ZFAND2A: variants seen among roughly 807,000 people sequenced by gnomAD.
ZFAND2A encodes the protein zinc finger AN1-type containing 2A.
ZFAND2A carries 20 observed loss-of-function variants against 11.6 expected under a neutral mutation model. The ratio of observed to expected loss-of-function variants is 1.72; its 90% CI spans 1.21 to 2.50. ZFAND2A has a LOEUF of 2.50. Ranked by LOEUF, ZFAND2A falls within the 30% of genes most tolerant of loss-of-function variation. The pLI, the probability that ZFAND2A is intolerant of heterozygous loss-of-function variation, is 0.00. For synonymous variants in ZFAND2A, 93 were observed against 60.6 expected (o/e 1.54, Z -2.48); for missense variants, 234 against 182.9 (o/e 1.28, Z -1.61).
At position 1,157,727 on chromosome 7, in the gene ZFAND2A, C is replaced by T. The variant is rs1351864448; in HGVS notation, c.79G>A (p.Ala27Thr). 6 of 1,557,742 alleles carry T rather than the reference C, an allele frequency of 3.9e-6. No individual in the cohort carries two copies. Among genetic ancestry groups the T allele is most frequent in the Non-Finnish European group, 5.2e-6 (6 of 1,155,828 alleles). ...QLDFLPVKCD[A>T]CKQDFCKDHF... ...TCTTTACAGAAATCTTGTTTACATG[C>T]ATCACATTTTACTGGAAGAAAATCT... The change falls in exon 3 of 5, where the codon GCA (alanine) becomes ACA (threonine). Residue 27 changes from alanine to threonine, a missense_variant. Coordinates refer to ENST00000316495, the MANE Select transcript of ZFAND2A (RefSeq NM_182491.4).
At chr7:1,157,779 T>G (rs1793566647) in intron 2 of ZFAND2A, 29 bp from the exon 3 acceptor site, 1 of 1,499,668 alleles carries the variant, frequency 6.7e-7, no homozygotes, top group Non-Finnish European at 9.0e-7. Context: ...GGAAGTGTTT[T>G]AACGACTGGA....
At chr7:1,155,071 C>T (rs1041741826) in intron 4 of ZFAND2A, among the ~76,000 whole-genome samples, 17 of 152,116 alleles carry the variant, frequency 1.1e-4, no homozygotes, top group African/African-American at 3.6e-4. Flanking sequence ...TGAGCCGAGA[C>T]GGCACCATTC....
At chr7:1,150,155 TA>T (rs149409812), downstream of ZFAND2A, among the ~76,000 whole-genome samples, 5,868 of 148,964 alleles carry the variant, frequency 0.039, 177 homozygotes, top group Non-Finnish European at 0.062. Context: ...TTTGTCAGAT[TA>T]AAAAAAAAAG....
chr7:1,152,140 C>T (rs1441731332), downstream of ZFAND2A: 1 of 1,363,012 alleles, frequency 7.3e-7, no homozygotes, highest in African/African-American at 1.5e-5. Flanking sequence ...GAAGTCGCAC[C>T]ACTGGAGCAT....
intron 4 of ZFAND2A, among the ~76,000 whole-genome samples, chr7:1,154,457 T>C (rs1267651191): frequency 6.6e-6 from 1 of 152,092 alleles, no homozygotes; most frequent in East Asian, 1.9e-4. Flanking sequence ...TGTGGGGGCC[T>C]TGGGGCAGTG....
chr7:1,157,902 G>A, intron 2 of ZFAND2A, 152 bp from the exon 3 acceptor site: 2 of 743,456 alleles, frequency 2.7e-6, no homozygotes, highest in South Asian at 3.7e-5. Context: ...CCCAGGGTCA[G>A]GCTGTCTTCT....
In ZFAND2A at chr7:1,153,146, T is replaced by C. The variant is rs1304407874; in HGVS notation, c.361A>G (p.Asn121Asp). The change falls in exon 5 of 5, where the codon AAC (asparagine) becomes GAC (aspartate). Residue 121 changes from asparagine (N) to aspartate (D), a missense_variant. By Grantham distance (23) the Asn-to-Asp change is conservative. Transcript: ENST00000316495. ...LQMVCAQCHG[N>D]FCIQHRHPLD... ...GGGTGTCTGTGCTGGATACAGAAGT[T>C]GCCGTGACATTGGGCACATACCATC... 2.5e-6 allele frequency: 4 copies of C among 1,614,210 alleles called. 1 individual carries two copies. In the South Asian group the frequency reaches 3.3e-5, roughly 13 times the overall value.
chr7:1,157,717 T>C lies in ZFAND2A; in HGVS notation c.89A>G (p.Gln30Arg). ...TGGAAAATGATCTTTACAGAAATCT[T>C]GTTTACATGCATCACATTTTACTGG... ...FLPVKCDACK[Q>R]DFCKDHFPYA... The change falls in exon 3 of 5, where the codon CAA (glutamine) becomes CGA (arginine). Residue 30 changes from glutamine (Q) to arginine (R), a missense_variant. Physicochemically the swap from Gln to Arg is conservative, Grantham distance 43 (BLOSUM62 1). Transcript: ENST00000316495. 6.4e-7 allele frequency: 1 copy of C among 1,561,906 alleles called. No homozygotes were observed. Among genetic ancestry groups the C allele is most frequent in the Non-Finnish European group, 8.6e-7 (1 of 1,157,784 alleles).
intron 2 of ZFAND2A, 59 bp from the exon 3 acceptor site, chr7:1,157,809 T>TGTAGGTAAAC (rs1172216364): frequency 9.1e-6 from 12 of 1,320,798 alleles, no homozygotes; most frequent in Admixed American, 2.4e-5. Flanking sequence ...TTCCAGATAG[T>TGTAGGTAAAC]ACTATCAAAG....
Position 1,158,207 on chromosome 7 carries a change from C to G in ZFAND2A, c.6G>C (p.Glu2Asp). The G allele has an allele frequency of 6.2e-7, 1 of 1,614,112 alleles. No homozygotes were observed. Among genetic ancestry groups the G allele is most frequent in the Non-Finnish European group, 8.5e-7 (1 of 1,179,990 alleles). Residue 2 changes from glutamate to aspartate, a missense_variant, in exon 2 of 5, where the codon GAG becomes GAC. Coordinates refer to ENST00000316495, the MANE Select transcript of ZFAND2A (RefSeq NM_182491.4). ...AACAATGCTTCCCCAAATCAGGAAACTCCATTATGAGAACAGTGCTCAAAA... is the reference window on the plus strand; with the variant it reads ...AACAATGCTTCCCCAAATCAGGAAAGTCCATTATGAGAACAGTGCTCAAAA... M[E>D]FPDLGKHCSE...
chr7:1,158,218 G>T lies in ZFAND2A; in HGVS notation c.-6C>A. ...CCCAAATCAGGAAACTCCATTATGA[G>T]AACAGTGCTCAAAACGCAGATGGCG... On this transcript the variant is annotated 5_prime_UTR_variant, in exon 2 of 5. Transcript: ENST00000316495. 24 of 1,613,916 alleles carry T rather than the reference G, an allele frequency of 1.5e-5. No individual in the cohort carries two copies. The highest frequency in any genetic ancestry group is 2.0e-5 in the Non-Finnish European group (24 of 1,179,938).
chr7:1,149,379 ACGTGTCACCCGGG>A (rs957898204), downstream of ZFAND2A, among the ~76,000 whole-genome samples: 4 of 152,218 alleles, frequency 2.6e-5, no homozygotes, highest in Admixed American at 1.3e-4. Context: ...CCCAGACCAG[ACGTGTCACCCGGG>A]CAGCTCCAGG....
At chr7:1,154,589 G>C (rs1793478161) in intron 4 of ZFAND2A, among the ~76,000 whole-genome samples, 1 of 152,228 alleles carries the variant, frequency 6.6e-6, no homozygotes, top group African/African-American at 2.4e-5. Flanking sequence ...CACAGCCACA[G>C]CAGGGAGAGC....
downstream of ZFAND2A, among the ~76,000 whole-genome samples, chr7:1,149,841 GCTTGTT>G (rs1793365511): frequency 6.6e-6 from 1 of 150,788 alleles, no homozygotes; most frequent in South Asian, 2.1e-4. Flanking sequence ...AGGGTGACTA[GCTTGTT>G]CTTAAGTTTT....
chr7:1,151,894 A>G (rs1233150676), downstream of ZFAND2A, among the ~76,000 whole-genome samples: 1 of 151,994 alleles, frequency 6.6e-6, no homozygotes, highest in African/African-American at 2.4e-5. Flanking sequence ...GAAATAACCC[A>G]CACGGCAGTG....
At chr7:1,148,927 T>A (rs1793349119), downstream of ZFAND2A, among the ~76,000 whole-genome samples, 2 of 149,524 alleles carry the variant, frequency 1.3e-5, no homozygotes, top group South Asian at 4.3e-4. Flanking sequence ...TGACGTCTCC[T>A]GAGTAACTGG....
At chr7:1,155,669 C>G in intron 3 of ZFAND2A, 85 bp from the exon 4 acceptor site, 1 of 1,520,282 alleles carries the variant, frequency 6.6e-7, no homozygotes, top group Non-Finnish European at 8.9e-7. Flanking sequence ...CTGTGCGGCA[C>G]ACTTAAACAC....
chr7:1,157,500 C>T, intron 3 of ZFAND2A, 156 bp downstream of exon 3: 2 of 663,448 alleles, frequency 3.0e-6, no homozygotes, highest in Non-Finnish European at 5.1e-6. Flanking sequence ...TGCCTAACAG[C>T]AGGCACCTGA....
intron 4 of ZFAND2A, among the ~76,000 whole-genome samples, chr7:1,154,535 G>A (rs1226076467): frequency 6.6e-6 from 1 of 152,200 alleles, no homozygotes; most frequent in Non-Finnish European, 1.5e-5. Context: ...GAGCTGTGAT[G>A]TCTCAGAGGC....
Sources: gnomAD v4.1 joint callset for allele counts (sites outside exome capture counted in the v4.1 genomes callset) on GRCh38, gnomAD v4.1.1 for gene constraint, MANE v1.5 for transcripts, NCBI Gene and HGNC (gene_info 2026-07-23, HGNC 2026-07-21) for gene names.